The following STAR variants were observed in gnomAD, a reference collection of about 807,000 sequenced individuals.
STAR encodes the protein steroidogenic acute regulatory protein, also known as steroidogenic acute regulatory protein, mitochondrial.
In STAR, 32 loss-of-function variants were observed where a neutral mutation model predicts 32.3. The observed-to-expected ratio is 0.99, with a 90% CI of 0.75 to 1.33. The LOEUF (loss-of-function observed/expected upper bound fraction) is 1.33. Among genes scored for constraint, STAR ranks in the 40% most tolerant of loss-of-function variants. STAR has a pLI of 0.00. For missense variants in STAR, 375 were observed against 379.0 expected (o/e 0.99, Z 0.09); for synonymous variants, 134 against 140.5 (o/e 0.95, Z 0.33).
intron 1 of STAR, chr8:38,149,094 C>T (rs1802626813): frequency 5.8e-6 from 2 of 345,732 alleles, no homozygotes; most frequent in African/African-American, 2.1e-5. Flanking sequence ...GAGAATACAA[C>T]TCCTGAGGCC....
At chr8:38,149,027 G>A (rs989722059) in intron 1 of STAR, 2 of 475,242 alleles carry the variant, frequency 4.2e-6, no homozygotes, top group African/African-American at 2.0e-5. Flanking sequence ...TGGAGTTTCT[G>A]TCTCTAAAAG....
Position 38,144,247 on chromosome 8 carries a change from C to T in STAR, c.*26G>A, listed in dbSNP as rs371011253. 12 of 1,592,298 alleles carry T rather than the reference C, an allele frequency of 7.5e-6. No individual in the cohort carries two copies. Among genetic ancestry groups the T allele is most frequent in the Non-Finnish European group, 1.0e-5 (12 of 1,169,242 alleles). On this transcript the variant is annotated 3_prime_UTR_variant, in exon 7 of 7. Transcript: ENST00000276449. ...GAGCGTGTGTACCAGTGCAGCTGGG[C>T]ACAGTTGGGAACAGCAGGCTGGTCT...
Position 38,150,868 on chromosome 8 carries a change from CGCCGCTGCTGCT to C in STAR, c.-62_-51del. ...GTGGGGTCGCTGCCGCTGCTGCTGC[CGCCGCTGCTGCT>C]GCCTCTTCTCTCAAGGGTGGTTCTT... On this transcript the variant is annotated 5_prime_UTR_variant, in exon 1 of 7. Transcript: ENST00000276449. 1.2e-6 allele frequency: 2 copies of C among 1,600,692 alleles called. No homozygotes were observed. Among genetic ancestry groups the C allele is most frequent in the Non-Finnish European group, 8.5e-7 (1 of 1,179,858 alleles).
intron 1 of STAR, 52 bp downstream of exon 1, chr8:38,150,703 C>T (rs995182204): frequency 6.2e-7 from 1 of 1,602,708 alleles, no homozygotes; most frequent in Non-Finnish European, 8.5e-7. Flanking sequence ...GCCTGAGCCT[C>T]ATCCGCTGAG....
At position 38,143,717 on chromosome 8, in the gene STAR, T is replaced by C. The variant is rs886062903; in HGVS notation, c.*556A>G. 1.2e-5 allele frequency: 2 copies of C among 172,132 alleles called. No homozygotes were observed. The highest frequency in any genetic ancestry group is 2.7e-4 in the South Asian group (2 of 7,384). The allele number at this position is 172,132 out of a possible 1,614,324, so 10.7% of individuals were successfully genotyped here. A position where few individuals can be genotyped will look rare whatever the true frequency, so the allele number is the denominator to read the frequency against. On this transcript the variant is annotated 3_prime_UTR_variant, in exon 7 of 7. Coordinates refer to ENST00000276449, the MANE Select transcript of STAR (RefSeq NM_000349.3). ...AGCAATAGGGAAACATGTCTACTAA[T>C]GAGTTTTGTCTTTTTCCACAGAGAA...
Position 38,148,718 on chromosome 8 carries a change from T to A in STAR, c.101A>T (p.Glu34Val), listed in dbSNP as rs1326076163. ...RQQAVMAISQ[E>V]LNRRALGGPT... ...GCCCCCCAGGGCCCTCCGGTTCAGC[T>A]CCTGGCTGATGGCCATCACAGCCTG... The change falls in exon 2 of 7, where the codon GAG (glutamate) becomes GTG (valine). Residue 34 changes from glutamate to valine, a missense_variant. Physicochemically the swap from Glu to Val is moderately radical, Grantham distance 121. Transcript: ENST00000276449. 5 of 1,613,968 alleles carry A rather than the reference T, an allele frequency of 3.1e-6. No individual in the cohort carries two copies. In the African/African-American group the frequency reaches 6.7e-5, roughly 22 times the overall value.
At position 38,142,728 on chromosome 8, in the gene STAR, A is replaced by G. The variant is rs1303344006; in HGVS notation, c.*1545T>C. Among the ~76,000 whole-genome samples, 4 of 151,790 alleles carry G rather than the reference A, an allele frequency of 2.6e-5. No homozygotes were observed. The highest frequency in any genetic ancestry group is 5.9e-5 in the Non-Finnish European group (4 of 67,962). Reference sequence around the variant, plus strand: ...TTTTTAGTAGAGATGGGGTTTCTCCATGTTAGTCAGGCTGGTCTCCTGCCC... The same window carrying G: ...TTTTTAGTAGAGATGGGGTTTCTCCGTGTTAGTCAGGCTGGTCTCCTGCCC... On this transcript the variant is annotated 3_prime_UTR_variant, in exon 7 of 7. Coordinates refer to ENST00000276449, the MANE Select transcript of STAR (RefSeq NM_000349.3).
At chr8:38,148,847 G>C in intron 1 of STAR, 93 bp from the exon 2 acceptor site, 4 of 1,040,372 alleles carry the variant, frequency 3.8e-6, no homozygotes, top group Non-Finnish European at 5.8e-6. Context: ...TGAGTAAGTT[G>C]GTTTGGAGAG....
At position 38,144,826 on chromosome 8, in the gene STAR, T is replaced by C. The variant is rs193086934; in HGVS notation, c.744+396A>G. ...GAGTTTGAGACCAGCCTGGCCACCA[T>C]AGTGAAACCCCGTCTCTACTAAAAA... On this transcript the variant is annotated intron_variant, in intron 6 of 6. Transcript: ENST00000276449. The C allele has an allele frequency of 9.3e-4, 508 of 547,962 alleles. 8 individuals are homozygous for C. In the East Asian group the frequency reaches 0.032, roughly 35 times the overall value. 33.9% of individuals were successfully genotyped at this position (547,962 alleles called of 1,614,324 possible). A position where few individuals can be genotyped will look rare whatever the true frequency, so the allele number is the denominator to read the frequency against.
intron 1 of STAR, 80 bp from the exon 2 acceptor site, chr8:38,148,834 A>C: frequency 1.6e-5 from 19 of 1,207,846 alleles, no homozygotes; most frequent in Middle Eastern, 1.9e-4. Context: ...ATCTTGTCTC[A>C]AATGAGTAAG....
At chr8:38,148,135 C>A in intron 3 of STAR, 65 bp downstream of exon 3, 1 of 1,609,008 alleles carries the variant, frequency 6.2e-7, no homozygotes, top group African/African-American at 1.3e-5. Flanking sequence ...AAAATAGTAA[C>A]CCCAGCTGGC....
intron 5 of STAR, chr8:38,145,612 A>C: frequency 1.8e-6 from 1 of 555,748 alleles, no homozygotes. Flanking sequence ...GGCCTTGGGA[A>C]ATTCAGGAGG....
rs1438965242 is a variant in STAR at position 38,144,243 on chromosome 8, T to A, written c.*30A>T. Reference sequence around the variant, plus strand: ...TGATGAGCGTGTGTACCAGTGCAGCTGGGCACAGTTGGGAACAGCAGGCTG... The same window carrying A: ...TGATGAGCGTGTGTACCAGTGCAGCAGGGCACAGTTGGGAACAGCAGGCTG... On this transcript the variant is annotated 3_prime_UTR_variant, in exon 7 of 7. Transcript: ENST00000276449. 6.3e-7 allele frequency: 1 copy of A among 1,587,674 alleles called. No homozygotes were observed. Among genetic ancestry groups the A allele is most frequent in the Non-Finnish European group, 8.6e-7 (1 of 1,166,340 alleles).
chr8:38,144,897 T>C (rs975676173), intron 6 of STAR: 1 of 791,022 alleles, frequency 1.3e-6, no homozygotes, highest in African/African-American at 1.8e-5. Flanking sequence ...TAGTTCCAGC[T>C]ACTCAGGAGG....
Position 38,144,280 on chromosome 8 carries a change from C to G in STAR, c.851G>C (p.Arg284Thr), listed in dbSNP as rs1263298508. ...GGAACAGCAGGCTGGTCTTCAACAC[C>G]TGGCTTCAGAGGCAGGGTGGGACTC... ...RLESHPASEA[R>T]C The change falls in exon 7 of 7, where the codon AGG (arginine) becomes ACG (threonine). Residue 284 changes from arginine to threonine, a missense_variant. Transcript: ENST00000276449. The G allele has an allele frequency of 3.1e-6, 5 of 1,608,504 alleles. No homozygotes were observed. Among genetic ancestry groups the G allele is most frequent in the Admixed American group, 1.7e-5 (1 of 59,322 alleles).
rs556491098 is a variant in STAR at position 38,147,818 on chromosome 8, C to T, written c.306+382G>A. On this transcript the variant is annotated intron_variant, in intron 3 of 6. Coordinates refer to ENST00000276449, the MANE Select transcript of STAR (RefSeq NM_000349.3). ...GGCCTGTTGTAGGGTGAGCCCACAT[C>T]ACCCCTGCAAGCCCAGCCACAGGTG... Among the ~76,000 whole-genome samples, 9 of 152,344 alleles carry T rather than the reference C, an allele frequency of 5.9e-5. No homozygotes were observed. The East Asian group carries it at 1.7e-3, about 29-fold the overall frequency.
Position 38,148,657 on chromosome 8 carries a change from C to G in STAR, c.162G>C (p.Arg54=). The change falls in exon 2 of 7, where the codon CGG becomes CGC. Residue 54 remains arginine, a synonymous_variant. Coordinates refer to ENST00000276449, the MANE Select transcript of STAR (RefSeq NM_000349.3). The part of the protein sequence containing the change: ...TPSTWINQVR[R]RSSLLGSRLE... ...AGCACTTACCGAGTAGAGAGCTCCG[C>G]CGCCGAACCTGGTTAATCCACGTGC... The G allele has an allele frequency of 6.2e-7, 1 of 1,614,138 alleles. No individual in the cohort carries two copies. The highest frequency in any genetic ancestry group is 2.2e-5 in the East Asian group (1 of 44,886).
At position 38,148,200 on chromosome 8, in the gene STAR, C is replaced by T; in HGVS notation, c.306G>A (p.Gln102=). The T allele has an allele frequency of 1.2e-6, 2 of 1,614,014 alleles. No homozygotes were observed. Among genetic ancestry groups the T allele is most frequent in the Non-Finnish European group, 1.7e-6 (2 of 1,179,970 alleles). The change falls in exon 3 of 7, where the codon CAG becomes CAA. Residue 102 remains glutamine (Q), a splice_region_variant and synonymous_variant. Coordinates refer to ENST00000276449, the MANE Select transcript of STAR (RefSeq NM_000349.3). ...CCACAGGCTTCTCCCCGACACTTAC[C>T]TGCTGACTCTCCTTCTTCCAGCCCT... ...NQEGWKKESQ[Q]DNGDKVMSKV...
At position 38,144,490 on chromosome 8, in the gene STAR, C is replaced by T; in HGVS notation, c.745-104G>A. ...CTGCCAGGGGCTTGGTCTTCGAGCT[C>T]TGTTAATAGGTGCAGCCTTGGAGTT... On this transcript the variant is annotated intron_variant, in intron 6 of 6. Transcript: ENST00000276449. 2.6e-6 allele frequency: 4 copies of T among 1,528,902 alleles called. No homozygotes were observed. In the South Asian group the frequency reaches 4.8e-5, roughly 18 times the overall value. The allele number at this position is 1,528,902 out of a possible 1,614,324, so 94.7% of individuals were successfully genotyped here.
Sources: allele counts gnomAD v4.1 joint callset (sites outside exome capture counted in the v4.1 genomes callset), GRCh38; gene constraint gnomAD v4.1.1; transcripts MANE v1.5; gene names NCBI Gene and HGNC (gene_info 2026-07-23, HGNC 2026-07-21).